Variants in PATJ observed in about 807,000 individuals in gnomAD.
PATJ encodes inaD-like protein.
In PATJ, 190 loss-of-function variants were observed where a neutral mutation model predicts 224.9. The observed-to-expected ratio is 0.84, with a 90% CI of 0.75 to 0.95. PATJ has a LOEUF of 0.95. Ranked by LOEUF, PATJ falls within the 40% of genes least tolerant of loss-of-function variation. The pLI is 0.00. For missense variants in PATJ, 2,121 were observed against 2,270.3 expected, an observed-to-expected ratio of 0.93 and a Z score of 1.34; for synonymous variants, 769 against 820.3, an observed-to-expected ratio of 0.94 and a Z score of 1.07.
intron 5 of PATJ, among the ~76,000 whole-genome samples, chr1:61,770,084 G>T (rs1646515340): frequency 6.6e-6 from 1 of 152,164 alleles, no homozygotes; most frequent in African/African-American, 2.4e-5. Flanking sequence ...TAGCAACAAT[G>T]GTAGTATATT....
intron 26 of PATJ, among the ~76,000 whole-genome samples, chr1:61,922,694 G>T (rs573412625): frequency 4.6e-5 from 7 of 152,264 alleles, no homozygotes; most frequent in South Asian, 2.1e-4. Flanking sequence ...TGTCATTTTT[G>T]TGTGGTTAAG....
intron 27 of PATJ, among the ~76,000 whole-genome samples, chr1:61,943,955 AG>A (rs1349682285): frequency 2.0e-5 from 3 of 152,210 alleles, no homozygotes; most frequent in African/African-American, 7.2e-5. Context: ...CCAGGCAAAC[AG>A]GGTCTGGAGT....
At chr1:61,806,789 A>G (rs1305274414) in intron 13 of PATJ, among the ~76,000 whole-genome samples, 2 of 152,132 alleles carry the variant, frequency 1.3e-5, no homozygotes, top group Non-Finnish European at 2.9e-5. Flanking sequence ...GTGGTTTGGT[A>G]TTCAAATAAA....
intron 13 of PATJ, among the ~76,000 whole-genome samples, chr1:61,806,245 T>A (rs1653507529): frequency 6.6e-6 from 1 of 152,242 alleles, no homozygotes; most frequent in Non-Finnish European, 1.5e-5. Flanking sequence ...TAGTACTGGT[T>A]GGCTGGTTGG....
At chr1:61,859,883 G>C (rs1402532613) in intron 18 of PATJ, among the ~76,000 whole-genome samples, 1 of 152,140 alleles carries the variant, frequency 6.6e-6, no homozygotes, top group Non-Finnish European at 1.5e-5. Context: ...GCCTCCCAAA[G>C]TGCTGGGATT....
intron 20 of PATJ, among the ~76,000 whole-genome samples, chr1:61,871,555 A>T (rs1300730605): frequency 2.6e-4 from 15 of 58,088 alleles, no homozygotes; most frequent in Admixed American, 5.4e-4. Context: ...ATATATATAT[A>T]TATTTTTTTT....
chr1:62,135,070 T>C (rs1666683781), intron 41 of PATJ, among the ~76,000 whole-genome samples: 1 of 152,158 alleles, frequency 6.6e-6, no homozygotes, highest in African/African-American at 2.4e-5. Context: ...ATCACTGATT[T>C]TAATACCTGT....
chr1:61,774,059 G>A (rs1646778677), intron 6 of PATJ, among the ~76,000 whole-genome samples: 1 of 143,326 alleles, frequency 7.0e-6, no homozygotes, highest in Non-Finnish European at 1.5e-5. Context: ...GGTGGAGCTT[G>A]CAGTGAGCCG....
At chr1:61,771,707 C>A in intron 6 of PATJ, 81 bp downstream of exon 6, 23 of 971,934 alleles carry the variant, frequency 2.4e-5, no homozygotes, top group Middle Eastern at 2.2e-4. Context: ...TAGAAGGTGT[C>A]ATTTTACCTT....
chr1:61,808,535 G>A lies in PATJ; in HGVS notation c.1683+5G>A. 5.1e-6 allele frequency: 8 copies of A among 1,581,250 alleles called. 1 individual carries two copies. The Middle Eastern group carries it at 8.4e-4, about 165-fold the overall frequency. On this transcript the variant is annotated splice_donor_5th_base_variant and intron_variant, in intron 14 of 43. Transcript: ENST00000642238. Reference sequence around the variant, plus strand: ...GAGTTACAGAAATATTCAAAGGTAAGCATTTTTTATAACAAAGTTAACAGT... The same window carrying A: ...GAGTTACAGAAATATTCAAAGGTAAACATTTTTTATAACAAAGTTAACAGT...
rs1024657076 is a variant in PATJ, at chr1:61,833,598, C to A, written c.1981-56C>A. On this transcript the variant is annotated intron_variant, in intron 16 of 43. Transcript: ENST00000642238. ...CTGTGAGATTCTTGATGTGTGCATT[C>A]TTTTCAGAATTGAAAGCATAGTGTT... The A allele has an allele frequency of 2.0e-6, 3 of 1,522,610 alleles. No homozygotes were observed. The Admixed American group carries it at 6.2e-5, about 31-fold the overall frequency. The allele number at this position is 1,522,610 out of a possible 1,614,324, so 94.3% of individuals were successfully genotyped here.
At chr1:61,779,909 G>A (rs957283292) in intron 7 of PATJ, among the ~76,000 whole-genome samples, 18 of 152,004 alleles carry the variant, frequency 1.2e-4, no homozygotes, top group Non-Finnish European at 2.1e-4. Context: ...GAAGTGGTGG[G>A]TGGGGGGCAA....
chr1:61,847,631 G>A (rs1022649706), intron 17 of PATJ, among the ~76,000 whole-genome samples: 5 of 152,176 alleles, frequency 3.3e-5, no homozygotes, highest in Admixed American at 1.3e-4. Flanking sequence ...AATGGAGTTA[G>A]ATGTTAGATA....
intron 3 of PATJ, among the ~76,000 whole-genome samples, chr1:61,764,250 A>G (rs1317359357): frequency 6.6e-6 from 1 of 152,152 alleles, no homozygotes; most frequent in African/African-American, 2.4e-5. Flanking sequence ...TTTCATGCGT[A>G]TTCTGATTAG....
At position 62,097,419 on chromosome 1, in the gene PATJ, C is replaced by G. The variant is rs572301379; in HGVS notation, c.4378-11018C>G. ...AAAGTAGCATTGTGTGACTTTTAAG[C>G]CTTGGTCTCAAGAGGCCTTGCAATT... On this transcript the variant is annotated intron_variant, in intron 33 of 43. Transcript: ENST00000642238. Among the ~76,000 whole-genome samples the G allele has an allele frequency of 5.2e-4, 79 of 152,326 alleles. No homozygotes were observed. The Middle Eastern group carries it at 0.014, about 26-fold the overall frequency.
intron 7 of PATJ, among the ~76,000 whole-genome samples, chr1:61,777,784 T>G (rs1230966675): frequency 1.4e-5 from 2 of 142,864 alleles, no homozygotes; most frequent in Non-Finnish European, 3.0e-5. Context: ...CCTATCTCAC[T>G]GCAGCCTCGA....
intron 43 of PATJ, among the ~76,000 whole-genome samples, chr1:62,155,619 A>G (rs2149057084): frequency 6.6e-6 from 1 of 151,982 alleles, no homozygotes; most frequent in East Asian, 1.9e-4. Context: ...ATTGTAAGGA[A>G]TAGATATTGA....
At chr1:61,772,749 C>G (rs1379955039) in intron 6 of PATJ, among the ~76,000 whole-genome samples, 2 of 152,098 alleles carry the variant, frequency 1.3e-5, no homozygotes, top group African/African-American at 4.8e-5. Flanking sequence ...GGTTTGGATG[C>G]ATTCAAGTCT....
At chr1:62,038,624 G>A (rs1391691187) in intron 30 of PATJ, 2 of 223,570 alleles carry the variant, frequency 8.9e-6, no homozygotes, top group Non-Finnish European at 1.8e-5. Context: ...ATAGTGCAGG[G>A]TTATTCAAAG....
Sources: allele counts gnomAD v4.1 joint callset (sites outside exome capture counted in the v4.1 genomes callset), GRCh38; gene constraint gnomAD v4.1.1; transcripts MANE v1.5; gene names NCBI Gene and HGNC (gene_info 2026-07-23, HGNC 2026-07-21).